CEBPZOS: variants seen among roughly 807,000 people sequenced by gnomAD.
CEBPZOS encodes CEBPZ opposite strand.
In CEBPZOS, 10 loss-of-function variants were observed where a neutral mutation model predicts 4.8. That is an observed-to-expected ratio of 2.07 (90% CI 1.28 to 3.52). The LOEUF (loss-of-function observed/expected upper bound fraction) is 3.52, where lower values mean the gene tolerates loss of function less well. Ranked by LOEUF, CEBPZOS falls within the 30% of genes most tolerant of loss-of-function variation. The pLI is 0.00. For missense variants in CEBPZOS, 98 were observed against 43.6 expected (o/e 2.25, Z -3.51); for synonymous variants, 25 against 14.2 (o/e 1.77, Z -1.72).
chr2:37,197,746 A>G (rs1677016857), intron 1 of CEBPZOS, among the ~76,000 whole-genome samples: 1 of 152,198 alleles, frequency 6.6e-6, no homozygotes, highest in South Asian at 2.1e-4. Flanking sequence ...CACGCCTATA[A>G]TCCCAGCTAC....
intron 2 of CEBPZOS, among the ~76,000 whole-genome samples, 185 bp from the exon 3 acceptor site, chr2:37,200,861 GGA>G (rs1677191436): frequency 1.3e-5 from 2 of 152,050 alleles, no homozygotes; most frequent in Non-Finnish European, 2.9e-5. Flanking sequence ...TGGGCAACAG[GGA>G]GAGAGATCCT....
chr2:37,212,107 C>T (rs1032682181), intron 4 of CEBPZOS: 1 of 1,349,090 alleles, frequency 7.4e-7, no homozygotes, highest in Non-Finnish European at 1.0e-6. Flanking sequence ...TTGCTGACTA[C>T]TAGGGCAGTA....
chr2:37,210,966 T>C (rs1209851834), intron 4 of CEBPZOS: 1 of 1,491,700 alleles, frequency 6.7e-7, no homozygotes, highest in South Asian at 1.2e-5. Flanking sequence ...ACATGGACAC[T>C]GCTTTTAAAA....
chr2:37,212,430 A>C (rs200237820), intron 4 of CEBPZOS: 8 of 1,534,546 alleles, frequency 5.2e-6, no homozygotes, highest in Non-Finnish European at 7.2e-6. Context: ...ACAACAAAGA[A>C]TGACAAGCTT....
Position 37,202,045 on chromosome 2 carries a change from T to C in CEBPZOS, c.*185T>C, listed in dbSNP as rs574525289. On this transcript the variant is annotated 3_prime_UTR_variant, in exon 5 of 5. Coordinates refer to ENST00000402297, the MANE Select transcript of CEBPZOS (RefSeq NM_001322374.2). ...CCCACTATACAAACCCACTGCTTGT[T>C]TGTTGCTTTTCTTCTCATATTTATT... The C allele has an allele frequency of 3.7e-5, 20 of 542,002 alleles. No homozygotes were observed. The highest frequency in any genetic ancestry group is 3.1e-4 in the African/African-American group (16 of 52,168). The allele number at this position is 542,002 out of a possible 1,614,324, so 33.6% of individuals were successfully genotyped here. A position where few individuals can be genotyped will look rare whatever the true frequency, so the allele number is the denominator to read the frequency against.
rs1489820228 is a variant in CEBPZOS, at chr2:37,201,877, C to T, written c.*17C>T. 1 of 1,613,722 alleles carries T rather than the reference C, an allele frequency of 6.2e-7. No individual in the cohort carries two copies. The highest frequency in any genetic ancestry group is 2.2e-5 in the East Asian group (1 of 44,838). On this transcript the variant is annotated 3_prime_UTR_variant, in exon 5 of 5. Coordinates refer to ENST00000402297, the MANE Select transcript of CEBPZOS (RefSeq NM_001322374.2). ...CTGTTGTGTAGCCAGTCATCACGTT[C>T]AGCCTCCCATCTAAGCTGTTTGAGA...
At chr2:37,197,936 G>T (rs1677029027) in intron 1 of CEBPZOS, among the ~76,000 whole-genome samples, 1 of 152,138 alleles carries the variant, frequency 6.6e-6, no homozygotes, top group Non-Finnish European at 1.5e-5. Context: ...CGAGGCCTGT[G>T]GATTGCCTGA....
intron 4 of CEBPZOS, chr2:37,211,808 G>A: frequency 6.8e-7 from 1 of 1,471,376 alleles, no homozygotes; most frequent in Non-Finnish European, 9.2e-7. Context: ...AAGTGAGGAA[G>A]ACACAGTTTA....
At position 37,203,219 on chromosome 2, in the gene CEBPZOS, C is replaced by T; in HGVS notation, c.*1359C>T. 1 of 352,626 alleles carries T rather than the reference C, an allele frequency of 2.8e-6. No individual in the cohort carries two copies. Among genetic ancestry groups the T allele is most frequent in the Non-Finnish European group, 5.1e-6 (1 of 196,288 alleles). The allele number at this position is 352,626 out of a possible 1,614,324, so 21.8% of individuals were successfully genotyped here. A position where few individuals can be genotyped will look rare whatever the true frequency, so the allele number is the denominator to read the frequency against. On this transcript the variant is annotated 3_prime_UTR_variant, in exon 5 of 5. Transcript: ENST00000402297. ...CTAACAACATCCTAATAGAACTGTT[C>T]AGATGACAAGAGTGTCTTCTTGCTT...
At chr2:37,212,193 A>C in intron 4 of CEBPZOS, 1 of 980,936 alleles carries the variant, frequency 1.0e-6, no homozygotes, top group Admixed American at 2.4e-5. Context: ...ATAAATGTCA[A>C]AGATGAAAGT....
chr2:37,200,661 GAAAAA>G (rs59736571), intron 2 of CEBPZOS, among the ~76,000 whole-genome samples: 2 of 147,562 alleles, frequency 1.4e-5, no homozygotes, highest in Non-Finnish European at 3.0e-5. Context: ...TGTATCTTAA[GAAAAA>G]AAAAAAAAGT....
At position 37,202,682 on chromosome 2, in the gene CEBPZOS, AAAAAAAAAAAGAAT is replaced by A; in HGVS notation, c.*826_*839del. On this transcript the variant is annotated 3_prime_UTR_variant, in exon 5 of 5. Coordinates refer to ENST00000402297, the MANE Select transcript of CEBPZOS (RefSeq NM_001322374.2). ...AAAAAAAAAAAAAAAAAAAAAAAAAAAAAAAAAAAAGAATAAATAAAATAACGAAAATTTCCTAT... is the reference window on the plus strand; with the variant it reads ...AAAAAAAAAAAAAAAAAAAAAAAAAAAAATAAAATAACGAAAATTTCCTAT... 1 of 236,438 alleles carries A rather than the reference AAAAAAAAAAAGAAT, an allele frequency of 4.2e-6. No individual in the cohort carries two copies. The highest frequency in any genetic ancestry group is 7.5e-6 in the Non-Finnish European group (1 of 132,846). 14.6% of individuals were successfully genotyped at this position (236,438 alleles called of 1,614,324 possible).
chr2:37,205,044 A>T (rs1677484418), downstream of CEBPZOS, among the ~76,000 whole-genome samples: 2 of 152,226 alleles, frequency 1.3e-5, no homozygotes. Context: ...CTAAAACATG[A>T]TCTTAGATAC....
At chr2:37,212,649 G>T in intron 4 of CEBPZOS, 1 of 486,858 alleles carries the variant, frequency 2.1e-6, no homozygotes, top group Non-Finnish European at 3.6e-6. Flanking sequence ...ATGGAAAGAG[G>T]ATAAATATCA....
intron 4 of CEBPZOS, chr2:37,211,915 C>G: frequency 6.2e-7 from 1 of 1,613,512 alleles, no homozygotes; most frequent in Non-Finnish European, 8.5e-7. Context: ...TCAGCAAATT[C>G]TTCATCATCC....
At position 37,202,943 on chromosome 2, in the gene CEBPZOS, G is replaced by A. The variant is rs1362086159; in HGVS notation, c.*1083G>A. 1.9e-6 allele frequency: 3 copies of A among 1,589,710 alleles called. No homozygotes were observed. The highest frequency in any genetic ancestry group is 1.2e-5 in the South Asian group (1 of 86,332). On this transcript the variant is annotated 3_prime_UTR_variant, in exon 5 of 5. Coordinates refer to ENST00000402297, the MANE Select transcript of CEBPZOS (RefSeq NM_001322374.2). ...GCTAGCTTGTTAAAACAGTACATTAGCCTTACCTCTTCAGCAGATACAAAT... is the reference window on the plus strand; with the variant it reads ...GCTAGCTTGTTAAAACAGTACATTAACCTTACCTCTTCAGCAGATACAAAT...
chr2:37,199,661 A>C (rs1249651791), intron 1 of CEBPZOS, 43 bp from the exon 2 acceptor site: 1 of 700,016 alleles, frequency 1.4e-6, no homozygotes, highest in Non-Finnish European at 2.7e-6. Flanking sequence ...TAGTAGTTTA[A>C]GTATGTTCAT....
chr2:37,212,104 C>G lies in CEBPZOS; in HGVS notation c.*3-1333C>G. On this transcript the variant is annotated intron_variant, in intron 4 of 4. Coordinates refer to the CEBPZOS transcript ENST00000397064. ...ATTTTCTAAAGTAGTGTTTTGCTGACTACTAGGGCAGTAGGCTATTAAATG... is the reference window on the plus strand; with the variant it reads ...ATTTTCTAAAGTAGTGTTTTGCTGAGTACTAGGGCAGTAGGCTATTAAATG... The G allele has an allele frequency of 2.9e-6, 4 of 1,375,970 alleles. No individual in the cohort carries two copies. In the South Asian group the frequency reaches 4.2e-5, roughly 14 times the overall value. The allele number at this position is 1,375,970 out of a possible 1,614,324, so 85.2% of individuals were successfully genotyped here.
intron 4 of CEBPZOS, chr2:37,211,867 C>T (rs771009617): frequency 1.2e-6 from 2 of 1,605,606 alleles, no homozygotes; most frequent in Admixed American, 3.4e-5. Context: ...CTTTCATCAT[C>T]TAACACATCC....
Sources: allele counts gnomAD v4.1 joint callset (sites outside exome capture counted in the v4.1 genomes callset), GRCh38; gene constraint gnomAD v4.1.1; transcripts MANE v1.5; gene names NCBI Gene and HGNC (gene_info 2026-07-23, HGNC 2026-07-21).